SND1: variants seen among roughly 807,000 people sequenced by gnomAD.
The protein encoded by SND1 is staphylococcal nuclease domain-containing protein 1.
Under a neutral mutation model 121.7 loss-of-function variants are expected in SND1, and 38 were observed. The ratio of observed to expected loss-of-function variants is 0.31; its 90% CI spans 0.24 to 0.41. The LOEUF is 0.41. Among genes scored for constraint, SND1 ranks in the 10% least tolerant of loss-of-function variants. The pLI is 1.00. For synonymous variants in SND1, 401 were observed against 447.4 expected, an observed-to-expected ratio of 0.90 and a Z score of 1.31; for missense variants, 868 against 1,184.6, an observed-to-expected ratio of 0.73 and a Z score of 3.92.
At chr7:128,075,315 A>G (rs1793489550) in intron 17 of SND1, among the ~76,000 whole-genome samples, 1 of 152,206 alleles carries the variant, frequency 6.6e-6, no homozygotes. Flanking sequence ...CCCGGCCCTG[A>G]TAATGGGGAT....
chr7:128,057,257 G>A (rs1328188980), intron 16 of SND1, among the ~76,000 whole-genome samples: 1 of 152,188 alleles, frequency 6.6e-6, no homozygotes, highest in African/African-American at 2.4e-5. Context: ...CCTGGAGGAA[G>A]GACTGCCGAG....
In SND1 at chr7:127,798,173, G is replaced by C. The variant is rs141092605; in HGVS notation, c.1153-9311G>C. Among the ~76,000 whole-genome samples the C allele has an allele frequency of 1.3e-4, 20 of 152,250 alleles. No individual in the cohort carries two copies. In the East Asian group the frequency reaches 3.9e-3, roughly 29 times the overall value. Reference sequence around the variant, plus strand: ...GGGTCAGGCTCTTTAAGGACATGAGGCCGCCTAAATTTGCTTTACTTCTTC... The same window carrying C: ...GGGTCAGGCTCTTTAAGGACATGAGCCCGCCTAAATTTGCTTTACTTCTTC... On this transcript the variant is annotated intron_variant, in intron 10 of 23. Transcript: ENST00000354725.
intron 15 of SND1, among the ~76,000 whole-genome samples, chr7:127,956,099 G>C (rs925179001): frequency 1.3e-5 from 2 of 152,202 alleles, no homozygotes; most frequent in African/African-American, 4.8e-5. Context: ...AGAAACCTCA[G>C]TTTAGCATAC....
chr7:127,666,188 CCTTG>C (rs1795415137), intron 1 of SND1, among the ~76,000 whole-genome samples: 1 of 152,170 alleles, frequency 6.6e-6, no homozygotes, highest in South Asian at 2.1e-4. Flanking sequence ...CCTGCCCTGC[CCTTG>C]TATTCGGCCC....
chr7:128,091,816 T>C, intron 22 of SND1, 21 bp from the exon 23 acceptor site: 1 of 1,613,978 alleles, frequency 6.2e-7, no homozygotes, highest in Non-Finnish European at 8.5e-7. Flanking sequence ...GACCACTCCC[T>C]TTCTTCTCTC....
chr7:128,025,006 T>A (rs1242520556), intron 16 of SND1, among the ~76,000 whole-genome samples: 2 of 152,200 alleles, frequency 1.3e-5, no homozygotes, highest in Non-Finnish European at 2.9e-5. Flanking sequence ...CACCAAGTCT[T>A]ACCTACTTCA....
intron 10 of SND1, among the ~76,000 whole-genome samples, chr7:127,723,175 C>T (rs1336990155): frequency 6.6e-6 from 1 of 152,162 alleles, no homozygotes; most frequent in Non-Finnish European, 1.5e-5. Context: ...AGGATGATAG[C>T]AGGTTTTCTG....
intron 1 of SND1, among the ~76,000 whole-genome samples, chr7:127,674,373 T>G (rs982087102): frequency 6.6e-6 from 1 of 152,262 alleles, no homozygotes. Context: ...AAGGGTTTAC[T>G]TCTAATCCAA....
chr7:127,881,847 C>T (rs975540771), intron 12 of SND1, among the ~76,000 whole-genome samples: 1 of 152,150 alleles, frequency 6.6e-6, no homozygotes, highest in African/African-American at 2.4e-5. Flanking sequence ...GACCATGGCT[C>T]ACTGTAGCCT....
chr7:128,029,511 G>C lies in SND1; in HGVS notation c.1779+38455G>C. 1 of 1,614,090 alleles carries C rather than the reference G, an allele frequency of 6.2e-7. No homozygotes were observed. The highest frequency in any genetic ancestry group is 8.5e-7 in the Non-Finnish European group (1 of 1,180,034). On this transcript the variant is annotated intron_variant, in intron 16 of 23. Transcript: ENST00000354725. The surrounding 1 kb of genome is among the most constrained non-coding windows in gnomAD (Gnocchi z 4.2). ...CAACCACTTCACGGAGGACATAGGGGGAGTCCGACACTTAAGTTCTGCCAT... is the reference window on the plus strand; with the variant it reads ...CAACCACTTCACGGAGGACATAGGGCGAGTCCGACACTTAAGTTCTGCCAT...
chr7:127,923,403 G>A (rs1048381611), intron 14 of SND1, among the ~76,000 whole-genome samples: 2 of 152,030 alleles, frequency 1.3e-5, no homozygotes, highest in African/African-American at 4.8e-5. Flanking sequence ...TGAAGTTTAC[G>A]CCCTCCCTGG....
intron 10 of SND1, among the ~76,000 whole-genome samples, chr7:127,783,570 A>G (rs187182555): frequency 6.6e-5 from 10 of 152,302 alleles, no homozygotes; most frequent in Admixed American, 6.5e-4. Flanking sequence ...TAACACATTG[A>G]TAATTAAGAT....
intron 22 of SND1, among the ~76,000 whole-genome samples, chr7:128,090,331 G>A (rs1793756432): frequency 6.6e-6 from 1 of 152,208 alleles, no homozygotes; most frequent in African/African-American, 2.4e-5. Flanking sequence ...AGCAGCCTTT[G>A]GTGATTAGCT....
chr7:127,754,818 C>T (rs948091685), intron 10 of SND1, among the ~76,000 whole-genome samples: 1 of 152,240 alleles, frequency 6.6e-6, no homozygotes, highest in African/African-American at 2.4e-5. Context: ...TTTTGGAGCA[C>T]CAGTTGTTTA....
intron 14 of SND1, among the ~76,000 whole-genome samples, chr7:127,921,222 A>G (rs181151265): frequency 2.1e-3 from 316 of 152,284 alleles, no homozygotes; most frequent in Admixed American, 5.1e-3. Flanking sequence ...GCCTGTGAGG[A>G]TGACCTCATG....
intron 12 of SND1, among the ~76,000 whole-genome samples, chr7:127,865,828 CTGTGGTATTTATTTTA>C (rs1296091311): frequency 1.3e-5 from 2 of 150,846 alleles, no homozygotes; most frequent in Non-Finnish European, 3.0e-5. Context: ...GTTGCCCAGA[CTGTGGTATTTATTTTA>C]TGTGGTATTT....
chr7:127,834,177 T>C (rs545316756), intron 11 of SND1, among the ~76,000 whole-genome samples: 1 of 152,354 alleles, frequency 6.6e-6, no homozygotes, highest in South Asian at 2.1e-4. Context: ...GATATCTCTT[T>C]AAGATCCTGC....
chr7:127,897,574 C>G (rs566808933), intron 13 of SND1, among the ~76,000 whole-genome samples: 1 of 152,042 alleles, frequency 6.6e-6, no homozygotes, highest in South Asian at 2.1e-4. Flanking sequence ...ATAGAGTCCA[C>G]AAGAGAAGGC....
intron 14 of SND1, among the ~76,000 whole-genome samples, chr7:127,926,701 C>T (rs1316097378): frequency 6.6e-6 from 1 of 150,814 alleles, no homozygotes; most frequent in Non-Finnish European, 1.5e-5. Flanking sequence ...TACAGGTGCC[C>T]ACCACCACAC....
Sources: allele counts gnomAD v4.1 joint callset (sites outside exome capture counted in the v4.1 genomes callset), GRCh38; gene constraint gnomAD v4.1.1; non-coding constraint Gnocchi (gnomAD v3.1); transcripts MANE v1.5; gene names NCBI Gene and HGNC (gene_info 2026-07-23, HGNC 2026-07-21).